The following UIMC1 variants were observed in gnomAD, a reference collection of about 807,000 sequenced individuals.
The protein encoded by UIMC1 is ubiquitin interaction motif containing 1, also known as BRCA1-A complex subunit RAP80.
In UIMC1, 42 loss-of-function variants were observed where a neutral mutation model predicts 84.9. The ratio of observed to expected loss-of-function variants is 0.49; its 90% CI spans 0.39 to 0.64. The LOEUF (loss-of-function observed/expected upper bound fraction) is 0.64, where lower values mean the gene tolerates loss of function less well. UIMC1 is among the 30% of genes least tolerant of loss of function. UIMC1 has a pLI of 0.00. For missense variants in UIMC1, 825 were observed against 847.6 expected (o/e 0.97, Z 0.33); for synonymous variants, 281 against 293.0 (o/e 0.96, Z 0.42).
At chr5:176,984,717 A>G (rs1771695146) in intron 1 of UIMC1, among the ~76,000 whole-genome samples, 1 of 152,162 alleles carries the variant, frequency 6.6e-6, no homozygotes, top group South Asian at 2.1e-4. Flanking sequence ...AAAGAAGTAG[A>G]CATAGGAGAC....
At chr5:176,909,487 T>C (rs1201734823) in intron 11 of UIMC1, among the ~76,000 whole-genome samples, 2 of 152,222 alleles carry the variant, frequency 1.3e-5, no homozygotes, top group African/African-American at 2.4e-5. Context: ...TATGGTCTTA[T>C]AGGTAATAAT....
chr5:176,920,166 C>A (rs1458433092), intron 10 of UIMC1, among the ~76,000 whole-genome samples: 1 of 152,020 alleles, frequency 6.6e-6, no homozygotes, highest in Non-Finnish European at 1.5e-5. Flanking sequence ...GGATTACAGG[C>A]ATGCACCACC....
At chr5:176,907,198 T>G in intron 12 of UIMC1, 21 bp from the exon 13 acceptor site, 2 of 1,606,250 alleles carry the variant, frequency 1.2e-6, no homozygotes, top group Non-Finnish European at 1.7e-6. Context: ...GAAAAACAGA[T>G]GAAAAGGTTA....
intron 1 of UIMC1, among the ~76,000 whole-genome samples, chr5:176,991,365 T>A (rs1160214883): frequency 2.6e-5 from 4 of 151,800 alleles, no homozygotes; most frequent in Non-Finnish European, 1.5e-5. Context: ...ACTACCATAA[T>A]GAAGACTACC....
chr5:176,905,663 A>G, intron 14 of UIMC1, 171 bp from the exon 15 acceptor site: 2 of 691,168 alleles, frequency 2.9e-6, no homozygotes, highest in South Asian at 3.9e-5. Flanking sequence ...GTCACTGGGT[A>G]AATCATATAC....
At position 176,978,461 on chromosome 5, in the gene UIMC1, C is replaced by T. The variant is rs181228515; in HGVS notation, c.148-2981G>A. On this transcript the variant is annotated intron_variant, in intron 2 of 14. Coordinates refer to ENST00000511320, the MANE Select transcript of UIMC1 (RefSeq NM_001199298.2). ...GGAAACCCTATAAAACAAATAATTCCTATACTATTTAAATTGTGGTAGGAC... is the reference window on the plus strand; with the variant it reads ...GGAAACCCTATAAAACAAATAATTCTTATACTATTTAAATTGTGGTAGGAC... Among the ~76,000 whole-genome samples the T allele has an allele frequency of 2.2e-3, 330 of 152,080 alleles. 3 individuals are homozygous for T. The highest frequency in any genetic ancestry group is 7.4e-3 in the African/African-American group (308 of 41,490).
At chr5:176,953,102 AT>A (rs1371541103) in intron 8 of UIMC1, among the ~76,000 whole-genome samples, 1 of 152,082 alleles carries the variant, frequency 6.6e-6, no homozygotes, top group Non-Finnish European at 1.5e-5. Flanking sequence ...TCTTTCCACC[AT>A]GTGAGGACAC....
intron 1 of UIMC1, among the ~76,000 whole-genome samples, chr5:177,003,846 T>A (rs775997543): frequency 6.6e-6 from 1 of 152,148 alleles, no homozygotes; most frequent in African/African-American, 2.4e-5. Flanking sequence ...TGCACGTGTA[T>A]TGTTACTGAG....
At chr5:176,953,768 G>A (rs1766226864) in intron 8 of UIMC1, among the ~76,000 whole-genome samples, 2 of 152,102 alleles carry the variant, frequency 1.3e-5, no homozygotes, top group South Asian at 4.1e-4. Flanking sequence ...TAGGCATAAG[G>A]CTATAATCCT....
At chr5:176,988,570 T>C (rs548476916) in intron 1 of UIMC1, among the ~76,000 whole-genome samples, 48 of 152,152 alleles carry the variant, frequency 3.2e-4, no homozygotes, top group South Asian at 3.1e-3. Context: ...TTGGGGATGA[T>C]AGAAATGTTC....
chr5:176,907,496 G>A (rs1759546927), intron 12 of UIMC1, among the ~76,000 whole-genome samples: 5 of 152,230 alleles, frequency 3.3e-5, no homozygotes, highest in South Asian at 2.1e-4. Context: ...CCAAATCTCC[G>A]CCTCAAAATC....
intron 10 of UIMC1, among the ~76,000 whole-genome samples, chr5:176,914,531 G>A (rs890642888): frequency 1.3e-5 from 2 of 152,184 alleles, no homozygotes; most frequent in Non-Finnish European, 2.9e-5. Context: ...TAAGGAGAGT[G>A]CAGTTTACTA....
chr5:176,966,569 T>C (rs956054362), intron 6 of UIMC1, among the ~76,000 whole-genome samples: 1 of 152,210 alleles, frequency 6.6e-6, no homozygotes, highest in African/African-American at 2.4e-5. Context: ...CAGAATACTC[T>C]TTAAAATTAC....
chr5:176,930,718 T>C (rs893669477), intron 10 of UIMC1, among the ~76,000 whole-genome samples: 5 of 152,202 alleles, frequency 3.3e-5, no homozygotes, highest in African/African-American at 1.2e-4. Flanking sequence ...TAGAGATCAG[T>C]CTATGCATGG....
At chr5:177,015,985 T>C (rs891525517) in intron 1 of UIMC1, among the ~76,000 whole-genome samples, 1 of 151,842 alleles carries the variant, frequency 6.6e-6, no homozygotes, top group Non-Finnish European at 1.5e-5. Flanking sequence ...CAGAATCACT[T>C]GAACCCGGGA....
At chr5:176,949,524 T>C (rs1561805265) in intron 9 of UIMC1, among the ~76,000 whole-genome samples, 1 of 152,220 alleles carries the variant, frequency 6.6e-6, no homozygotes, top group African/African-American at 2.4e-5. Flanking sequence ...TGTTTCTTCC[T>C]GAGAAAACAA....
chr5:176,911,108 GAGAGAAGAAAAGAAAAGAAAAGAAAAGAA>G (rs1176195742), intron 11 of UIMC1, among the ~76,000 whole-genome samples, 174 bp downstream of exon 11: 2 of 111,326 alleles, frequency 1.8e-5, no homozygotes, highest in Admixed American at 1.0e-4. Context: ...AAAAGAGAGA[GAGAGAAGAAAAGAAAAGAAAAGAAAAGAA>G]AAGAAAAGAA....
At chr5:176,941,901 T>C (rs1186309804) in intron 10 of UIMC1, among the ~76,000 whole-genome samples, 5 of 152,264 alleles carry the variant, frequency 3.3e-5, no homozygotes, top group East Asian at 1.9e-4. Context: ...TGGAGTGCAA[T>C]GGCACGATCT....
intron 10 of UIMC1, among the ~76,000 whole-genome samples, chr5:176,934,057 C>G (rs934756888): frequency 1.3e-5 from 2 of 152,076 alleles, no homozygotes; most frequent in Non-Finnish European, 2.9e-5. Context: ...TGTAAACTCT[C>G]TGAGTATAAA....
Sources: allele counts gnomAD v4.1 joint callset (sites outside exome capture counted in the v4.1 genomes callset), GRCh38; gene constraint gnomAD v4.1.1; transcripts MANE v1.5; gene names NCBI Gene and HGNC (gene_info 2026-07-23, HGNC 2026-07-21).